ZFP1: variants seen among roughly 807,000 people sequenced by gnomAD.
The protein encoded by ZFP1 is ZFP1 zinc finger protein, also known as zinc finger protein 1 homolog.
ZFP1 carries 32 observed loss-of-function variants against 38.5 expected under a neutral mutation model. The observed-to-expected ratio is 0.83, with a 90% CI of 0.63 to 1.12. The LOEUF (loss-of-function observed/expected upper bound fraction) is 1.12, where lower values mean the gene tolerates loss of function less well. Ranked by LOEUF, ZFP1 falls within the 50% of genes most tolerant of loss-of-function variation. The pLI is 0.00. For missense variants in ZFP1, 616 were observed against 480.8 expected, an observed-to-expected ratio of 1.28 and a Z score of -2.63; for synonymous variants, 245 against 168.8, an observed-to-expected ratio of 1.45 and a Z score of -3.50.
At chr16:75,130,732 C>A in the ZFP1 span, among the ~76,000 whole-genome samples, 58 of 152,216 alleles carry the variant, frequency 3.8e-4, no homozygotes, top group African/African-American at 1.2e-3. Context: ...GAGGGGGAGC[C>A]TTCTCTTGCC....
the ZFP1 span, among the ~76,000 whole-genome samples, chr16:75,139,368 C>CAAAAAAA: frequency 1.4e-4 from 6 of 42,772 alleles, no homozygotes; most frequent in African/African-American, 3.3e-4. Context: ...GACTCCATCT[C>CAAAAAAA]AAAAAAAAAA....
upstream of ZFP1, among the ~76,000 whole-genome samples, chr16:75,143,647 CTTTT>C (rs386385080): frequency 2.0e-4 from 19 of 93,768 alleles, no homozygotes; most frequent in East Asian, 3.7e-3. Context: ...GGAGGTGAAT[CTTTT>C]TTTTTTTTTT....
chr16:75,169,283 G>C lies in ZFP1; in HGVS notation c.173G>C (p.Arg58Thr), dbSNP rs747366632. The change falls in exon 4 of 4, where the codon AGA becomes ACA. Residue 58 changes from arginine (R) to threonine (T), a missense_variant. Arg to Thr is a moderately conservative substitution (Grantham distance 71). Transcript: ENST00000570010. ...EVWKADDQME[R>T]DHRNPDEQAR... ...TGGAAGGCTGATGACCAGATGGAGA[G>C]AGACCACAGAAACCCAGACGAGCAG... 8.7e-6 allele frequency: 14 copies of C among 1,613,338 alleles called. No homozygotes were observed. In the South Asian group the frequency reaches 1.1e-4, roughly 13 times the overall value.
chr16:75,121,996 C>T, the ZFP1 span, among the ~76,000 whole-genome samples: 23,019 of 152,088 alleles, frequency 0.15, 2,366 homozygotes, highest in East Asian at 0.54. Flanking sequence ...GTATACCCAG[C>T]CCAAAACAGA....
chr16:75,138,024 C>CTTTTT, the ZFP1 span, among the ~76,000 whole-genome samples: 43 of 64,978 alleles, frequency 6.6e-4, 6 homozygotes, highest in African/African-American at 2.7e-3. Context: ...CTCCCACTTC[C>CTTTTT]TTTTTTTTTT....
At chr16:75,142,689 A>G in the ZFP1 span, among the ~76,000 whole-genome samples, 1 of 152,146 alleles carries the variant, frequency 6.6e-6, no homozygotes, top group East Asian at 1.9e-4. Flanking sequence ...TCCCAAATAA[A>G]ACCTGTTATT....
At chr16:75,158,350 AATTTTTTTT>A (rs2037572350) in intron 2 of ZFP1, among the ~76,000 whole-genome samples, 1 of 146,266 alleles carries the variant, frequency 6.8e-6, no homozygotes, top group Non-Finnish European at 1.5e-5. Context: ...TTTTTTTTTT[AATTTTTTTT>A]ATTTTTTGAG....
intron 2 of ZFP1, chr16:75,166,531 T>C: frequency 1.0e-6 from 1 of 985,140 alleles, no homozygotes; most frequent in Non-Finnish European, 1.2e-6. Context: ...GCCTGGCCAA[T>C]AGTGTTTTAT....
Position 75,170,754 on chromosome 16 carries a change from C to A in ZFP1, c.*420C>A. 6.3e-6 allele frequency: 1 copy of A among 159,076 alleles called. No individual in the cohort carries two copies. Among genetic ancestry groups the A allele is most frequent in the Non-Finnish European group, 1.4e-5 (1 of 72,512 alleles). The allele number at this position is 159,076 out of a possible 1,614,324, so 9.9% of individuals were successfully genotyped here. On this transcript the variant is annotated 3_prime_UTR_variant, in exon 4 of 4. Transcript: ENST00000570010. Reference sequence around the variant, plus strand: ...ACTGGGAATTTGAAATTCTTGTCCTCTGTGATAATTAGGACATAACAAGAT... The same window carrying A: ...ACTGGGAATTTGAAATTCTTGTCCTATGTGATAATTAGGACATAACAAGAT...
chr16:75,137,899 A>G, the ZFP1 span, among the ~76,000 whole-genome samples: 1 of 152,020 alleles, frequency 6.6e-6, no homozygotes, highest in Admixed American at 6.6e-5. Context: ...TCTGTGTCCA[A>G]ATAAATAAAT....
At chr16:75,122,529 A>C in the ZFP1 span, among the ~76,000 whole-genome samples, 8 of 152,252 alleles carry the variant, frequency 5.3e-5, no homozygotes, top group Non-Finnish European at 1.2e-4. Context: ...ATGGAGAATC[A>C]AAGAATAAGA....
At chr16:75,123,556 G>C in the ZFP1 span, among the ~76,000 whole-genome samples, 1 of 146,412 alleles carries the variant, frequency 6.8e-6, no homozygotes, top group Non-Finnish European at 1.5e-5. Flanking sequence ...ACCCAGGCTG[G>C]AGTGCAGTGG....
chr16:75,164,839 C>CTTG (rs1356208348), intron 2 of ZFP1, among the ~76,000 whole-genome samples: 32 of 150,794 alleles, frequency 2.1e-4, no homozygotes, highest in African/African-American at 7.3e-4. Context: ...CGGAGTTTCA[C>CTTG]TCGTTGCACA....
chr16:75,132,360 G>C, the ZFP1 span: 1 of 147,650 alleles, frequency 6.8e-6, no homozygotes, highest in Non-Finnish European at 1.5e-5. Flanking sequence ...CTGAGCAACA[G>C]AGTGAGACCC....
chr16:75,134,479 G>A, the ZFP1 span, among the ~76,000 whole-genome samples: 1 of 152,010 alleles, frequency 6.6e-6, no homozygotes. Flanking sequence ...GGCCTGGGCT[G>A]GGCGCGGTGG....
At chr16:75,162,382 A>G (rs760946771) in intron 2 of ZFP1, among the ~76,000 whole-genome samples, 20 of 152,080 alleles carry the variant, frequency 1.3e-4, no homozygotes, top group South Asian at 2.1e-4. Flanking sequence ...CCTTGGCTCC[A>G]AAGTGCTAGG....
At chr16:75,125,853 GC>G in the ZFP1 span, among the ~76,000 whole-genome samples, 1 of 151,814 alleles carries the variant, frequency 6.6e-6, no homozygotes, top group Admixed American at 6.6e-5. Flanking sequence ...GACCAGCCTG[GC>G]TAACATGGTG....
chr16:75,139,387 A>AAAAAAAAAAAAAAAAAAACAAAAAC, the ZFP1 span, among the ~76,000 whole-genome samples: 1 of 144,126 alleles, frequency 6.9e-6, no homozygotes, highest in African/African-American at 2.8e-5. Flanking sequence ...AAAAAAAAAA[A>AAAAAAAAAAAAAAAAAAACAAAAAC]AAAAAAAAAC....
chr16:75,151,327 TG>T (rs1291859153), intron 1 of ZFP1, among the ~76,000 whole-genome samples: 2 of 152,218 alleles, frequency 1.3e-5, no homozygotes, highest in Non-Finnish European at 2.9e-5. Flanking sequence ...GTTATTTAAT[TG>T]GTGTGTTTAT....
Sources: allele counts gnomAD v4.1 joint callset (sites outside exome capture counted in the v4.1 genomes callset), GRCh38; gene constraint gnomAD v4.1.1; transcripts MANE v1.5; gene names NCBI Gene and HGNC (gene_info 2026-07-23, HGNC 2026-07-21).